The following PACRG variants were observed in gnomAD, a reference collection of about 807,000 sequenced individuals.
The protein encoded by PACRG is parkin coregulated.
Under a neutral mutation model 29.7 loss-of-function variants are expected in PACRG, and 29 were observed. That is an observed-to-expected ratio of 0.98 (90% CI 0.73 to 1.33). The LOEUF (loss-of-function observed/expected upper bound fraction) is 1.33. Among genes scored for constraint, PACRG ranks in the 40% most tolerant of loss-of-function variants. The pLI is 0.00. For missense variants in PACRG, 279 were observed against 316.2 expected (o/e 0.88, Z 0.89); for synonymous variants, 116 against 118.7 (o/e 0.98, Z 0.15).
At chr6:162,907,231 A>G (rs1054913513) in intron 2 of PACRG, among the ~76,000 whole-genome samples, 2 of 152,196 alleles carry the variant, frequency 1.3e-5, no homozygotes, top group East Asian at 1.9e-4. Flanking sequence ...TAAATGTTGC[A>G]GCTTTAAAAT....
At chr6:163,220,670 A>G (rs1025217820) in intron 4 of PACRG, among the ~76,000 whole-genome samples, 5 of 152,196 alleles carry the variant, frequency 3.3e-5, no homozygotes, top group African/African-American at 9.6e-5. Context: ...AAATATTTGC[A>G]TATCTTTCCT....
intron 4 of PACRG, among the ~76,000 whole-genome samples, chr6:163,240,249 AG>A (rs1398043229): frequency 1.9e-5 from 2 of 104,152 alleles, no homozygotes; most frequent in East Asian, 6.9e-4. Flanking sequence ...TGGGAGGAGG[AG>A]GGGGGGACGT....
At position 163,055,417 on chromosome 6, in the gene PACRG, A is replaced by T. The variant is rs1810489210; in HGVS notation, c.292-6733A>T. Among the ~76,000 whole-genome samples, 1 of 152,140 alleles carries T rather than the reference A, an allele frequency of 6.6e-6. No homozygotes were observed. The highest frequency in any genetic ancestry group is 2.4e-5 in the African/African-American group (1 of 41,444). ...ATATACACACGTGCACACACACGCAAACAAGCGCCTGAGGATAAACGTAAT... is the reference window on the plus strand; with the variant it reads ...ATATACACACGTGCACACACACGCATACAAGCGCCTGAGGATAAACGTAAT... On this transcript the variant is annotated intron_variant, in intron 2 of 4. Coordinates refer to ENST00000366888, the MANE Select transcript of PACRG (RefSeq NM_001080379.2). This position sits in a 1 kb window ranked among gnomAD's most constrained non-coding sequence, Gnocchi z 4.0.
rs1353052301 is a variant in PACRG at position 162,755,236 on chromosome 6, A to C, written c.156+26845A>C. Among the ~76,000 whole-genome samples, 5 of 152,118 alleles carry C rather than the reference A, an allele frequency of 3.3e-5. No individual in the cohort carries two copies. The East Asian group carries it at 9.7e-4, about 29-fold the overall frequency. On this transcript the variant is annotated intron_variant, in intron 1 of 4. Coordinates refer to ENST00000366888, the MANE Select transcript of PACRG (RefSeq NM_001080379.2). ...TGTCAATTTTGTGTATCTTTGCAAA[A>C]ACCTGTTAGTTTGGTTGTTTTTAAA...
intron 4 of PACRG, chr6:163,095,218 CACT>C: frequency 1.0e-6 from 1 of 974,624 alleles, no homozygotes; most frequent in Non-Finnish European, 1.2e-6. Flanking sequence ...CTTTCCTCTT[CACT>C]GAGACTGCTA....
intron 1 of PACRG, among the ~76,000 whole-genome samples, chr6:162,766,132 A>G (rs1365228662): frequency 2.0e-5 from 3 of 152,178 alleles, no homozygotes; most frequent in African/African-American, 4.8e-5. Context: ...ATGATTAACT[A>G]TAGTCACAGT....
At chr6:162,885,772 G>A (rs6455855) in intron 2 of PACRG, among the ~76,000 whole-genome samples, 80,870 of 150,110 alleles carry the variant, frequency 0.54, 21,629 homozygotes, top group Admixed American at 0.59. Flanking sequence ...ACACGTGCAT[G>A]TGTGTGTGTG....
At chr6:162,847,031 G>A (rs1471844469) in intron 2 of PACRG, among the ~76,000 whole-genome samples, 1 of 127,718 alleles carries the variant, frequency 7.8e-6, no homozygotes, top group Non-Finnish European at 1.6e-5. Context: ...ACACTGCCGT[G>A]CTCCTCACGC....
At chr6:162,836,025 T>A (rs1411499547) in intron 2 of PACRG, among the ~76,000 whole-genome samples, 3 of 152,188 alleles carry the variant, frequency 2.0e-5, no homozygotes, top group African/African-American at 7.2e-5. Flanking sequence ...TTTGCTTTAT[T>A]GTTATTAAAT....
At chr6:163,262,526 CT>C (rs35264261) in intron 4 of PACRG, among the ~76,000 whole-genome samples, 60,207 of 148,654 alleles carry the variant, frequency 0.41, 12,423 homozygotes, top group African/African-American at 0.49. Flanking sequence ...AACATGATCT[CT>C]TTTTTTTTTT....
intron 2 of PACRG, among the ~76,000 whole-genome samples, chr6:162,988,024 A>T (rs1803057586): frequency 6.6e-6 from 1 of 152,166 alleles, no homozygotes; most frequent in African/African-American, 2.4e-5. Flanking sequence ...AGAGAACACC[A>T]GTTTTGCACC....
intron 2 of PACRG, among the ~76,000 whole-genome samples, chr6:162,913,404 T>C (rs544593264): frequency 6.6e-6 from 1 of 152,338 alleles, no homozygotes. Flanking sequence ...TTCTTTTTTA[T>C]TGCTGAGTAG....
At chr6:163,011,954 T>G (rs747903340) in intron 2 of PACRG, among the ~76,000 whole-genome samples, 17 of 152,192 alleles carry the variant, frequency 1.1e-4, no homozygotes, top group Non-Finnish European at 2.2e-4. Flanking sequence ...ATGGCAGGCA[T>G]GAAGCTGTAT....
At chr6:163,065,641 A>G (rs1419281562) in intron 3 of PACRG, among the ~76,000 whole-genome samples, 1 of 152,206 alleles carries the variant, frequency 6.6e-6, no homozygotes, top group African/African-American at 2.4e-5. Flanking sequence ...CCTCAACAAC[A>G]TCTGGCATAT....
rs76205379 is a variant in PACRG, at chr6:163,181,880, G to A, written c.613+92472G>A. Among the ~76,000 whole-genome samples, 20 of 152,234 alleles carry A rather than the reference G, an allele frequency of 1.3e-4. No homozygotes were observed. The East Asian group carries it at 3.5e-3, about 27-fold the overall frequency. On this transcript the variant is annotated intron_variant, in intron 4 of 4. Transcript: ENST00000366888. ...GCGCGCTCTGTCAAGTTGCTGATTC[G>A]GGAGATAGCAGTGAATCGGGGTTCC...
chr6:163,255,351 G>C lies in PACRG; in HGVS notation c.614-59476G>C, dbSNP rs6911968. Among the ~76,000 whole-genome samples, 1,184 of 152,306 alleles carry C rather than the reference G, an allele frequency of 7.8e-3. 21 individuals are homozygous for C. Among genetic ancestry groups the C allele is most frequent in the African/African-American group, 0.027 (1,124 of 41,566 alleles). On this transcript the variant is annotated intron_variant, in intron 4 of 4. Transcript: ENST00000366888. ...GCAAGGATTTCCAGGCAGGCAGGCA[G>C]GTGACCTGAATCCAGGTACCTTCAA... is the stretch of plus-strand genomic sequence containing the variant.
At chr6:162,917,252 A>G (rs1311765278) in intron 2 of PACRG, among the ~76,000 whole-genome samples, 1 of 152,142 alleles carries the variant, frequency 6.6e-6, no homozygotes, top group East Asian at 1.9e-4. Flanking sequence ...ATGCAAGTGG[A>G]GCATTTATCC....
intron 3 of PACRG, among the ~76,000 whole-genome samples, chr6:163,086,395 G>GT (rs1220703183): frequency 6.6e-6 from 1 of 152,084 alleles, no homozygotes; most frequent in African/African-American, 2.4e-5. Context: ...AATTTTAGTT[G>GT]TTTTTCAGCA....
chr6:163,190,215 A>T (rs1185900187), intron 4 of PACRG: 1 of 152,206 alleles, frequency 6.6e-6, no homozygotes, highest in Non-Finnish European at 1.5e-5. Flanking sequence ...AAGAGCCAGA[A>T]AACTTGCCTA....
Sources: allele counts gnomAD v4.1 joint callset (sites outside exome capture counted in the v4.1 genomes callset), GRCh38; gene constraint gnomAD v4.1.1; non-coding constraint Gnocchi (gnomAD v3.1); transcripts MANE v1.5; gene names NCBI Gene and HGNC (gene_info 2026-07-23, HGNC 2026-07-21).